GRIK4: variants seen among roughly 807,000 people sequenced by gnomAD.
The protein encoded by GRIK4 is glutamate receptor ionotropic, kainate 4.
Under a neutral mutation model 104.9 loss-of-function variants are expected in GRIK4, and 40 were observed. The observed-to-expected ratio is 0.38, with a 90% CI of 0.30 to 0.50. GRIK4 has a LOEUF of 0.50. Among genes scored for constraint, GRIK4 ranks in the 20% least tolerant of loss-of-function variants. The pLI is 0.93. For missense variants in GRIK4, 1,047 were observed against 1,308.1 expected, an observed-to-expected ratio of 0.80 and a Z score of 3.08; for synonymous variants, 485 against 524.9, an observed-to-expected ratio of 0.92 and a Z score of 1.04.
chr11:120,888,108 A>G (rs1955172665), intron 11 of GRIK4, among the ~76,000 whole-genome samples: 1 of 152,192 alleles, frequency 6.6e-6, no homozygotes, highest in Non-Finnish European at 1.5e-5. Context: ...AATCAAAGAC[A>G]AGGGATAGCA....
chr11:120,878,144 G>A (rs1005383493), intron 11 of GRIK4, among the ~76,000 whole-genome samples: 2 of 152,210 alleles, frequency 1.3e-5, no homozygotes, highest in Non-Finnish European at 2.9e-5. Context: ...CGTGCCCTGA[G>A]GCATCCTCCA....
chr11:120,953,839 C>T lies in GRIK4; in HGVS notation c.1700+875C>T, dbSNP rs1944068069. Among the ~76,000 whole-genome samples, 1 of 152,196 alleles carries T rather than the reference C, an allele frequency of 6.6e-6. No individual in the cohort carries two copies. Among genetic ancestry groups the T allele is most frequent in the African/African-American group, 2.4e-5 (1 of 41,448 alleles). On this transcript the variant is annotated intron_variant, in intron 15 of 20. Coordinates refer to ENST00000527524, the MANE Select transcript of GRIK4 (RefSeq NM_014619.5). The surrounding 1 kb of genome is among the most constrained non-coding windows in gnomAD (Gnocchi z 4.9). ...GGCTCCCAGGCCACTCACTCAGGTC[C>T]CTAGTGCTGCTAACCCTCCACTTAC...
At chr11:120,948,149 CAGA>C (rs1565456403) in intron 14 of GRIK4, among the ~76,000 whole-genome samples, 1 of 152,170 alleles carries the variant, frequency 6.6e-6, no homozygotes, top group Admixed American at 6.5e-5. Flanking sequence ...CTGCCTCTCC[CAGA>C]AGGAGTCTTG....
chr11:120,584,543 C>T (rs1855574777), intron 1 of GRIK4, among the ~76,000 whole-genome samples: 1 of 152,134 alleles, frequency 6.6e-6, no homozygotes, highest in Admixed American at 6.5e-5. Context: ...AGTTGCCATA[C>T]ACTTTTAAAT....
At chr11:120,680,724 G>A (rs1950179237) in intron 3 of GRIK4, among the ~76,000 whole-genome samples, 1 of 152,210 alleles carries the variant, frequency 6.6e-6, no homozygotes. Flanking sequence ...GCTAAGTTAT[G>A]CAACCTGAAA....
At position 120,698,883 on chromosome 11, in the gene GRIK4, G is replaced by A. The variant is rs1209684221; in HGVS notation, c.82+38483G>A. The stretch of plus-strand genomic sequence containing the variant: ...ATTTTTCTCTATTTTTGGTGCATTA[G>A]ATTAATCAGGAGAAGTGGGCTTTTG... On this transcript the variant is annotated intron_variant, in intron 3 of 20. Transcript: ENST00000527524. 3.3e-5 allele frequency among the ~76,000 whole-genome samples: 5 copies of A among 152,234 alleles called. No homozygotes were observed. In the East Asian group the frequency reaches 7.7e-4, roughly 23 times the overall value.
intron 1 of GRIK4, among the ~76,000 whole-genome samples, chr11:120,613,347 C>T (rs1565573843): frequency 6.6e-6 from 1 of 152,208 alleles, no homozygotes; most frequent in East Asian, 1.9e-4. Flanking sequence ...CAATTCTTGT[C>T]CTGTGCTTTC....
At chr11:120,982,033 A>T in intron 19 of GRIK4, 73 bp from the exon 20 acceptor site, 1 of 1,009,250 alleles carries the variant, frequency 9.9e-7, no homozygotes, top group Non-Finnish European at 1.6e-6. Flanking sequence ...GAATGATTTT[A>T]GTATTTTTGA....
chr11:120,974,061 C>G (rs186715127), intron 19 of GRIK4, among the ~76,000 whole-genome samples: 55 of 152,260 alleles, frequency 3.6e-4, no homozygotes, highest in Middle Eastern at 3.4e-3. Context: ...GCGCATGCCA[C>G]CACACCCAGC....
At chr11:120,815,704 T>G (rs1952938542) in intron 5 of GRIK4, among the ~76,000 whole-genome samples, 1 of 151,896 alleles carries the variant, frequency 6.6e-6, no homozygotes, top group Admixed American at 6.5e-5. Context: ...GAAGCGGAGC[T>G]CCTCCCTGTC....
chr11:120,761,133 C>T (rs190349372), intron 3 of GRIK4, among the ~76,000 whole-genome samples: 213 of 152,186 alleles, frequency 1.4e-3, no homozygotes, highest in African/African-American at 4.9e-3. Flanking sequence ...TTTTAATGAT[C>T]GTCATTCTAA....
chr11:120,834,263 GGTGTGTGTGTGTGTGTGTGTGT>G (rs141196181), intron 7 of GRIK4, among the ~76,000 whole-genome samples: 12 of 146,090 alleles, frequency 8.2e-5, no homozygotes, highest in South Asian at 4.5e-4. Flanking sequence ...ACACTTTATA[GGTGTGTGTGTGTGTGTGTGTGT>G]GTGTGTGTGT....
intron 8 of GRIK4, among the ~76,000 whole-genome samples, chr11:120,838,277 G>A (rs1230676649): frequency 6.6e-6 from 1 of 152,116 alleles, no homozygotes; most frequent in South Asian, 2.1e-4. Flanking sequence ...CTGAACCACA[G>A]TTTTCTCATT....
chr11:120,922,519 T>C (rs1943246655), intron 13 of GRIK4, among the ~76,000 whole-genome samples: 1 of 152,254 alleles, frequency 6.6e-6, no homozygotes, highest in South Asian at 2.1e-4. Flanking sequence ...ATCTTCCCTC[T>C]GCCCTCTGGC....
At chr11:120,743,233 GAAA>G (rs1160708566) in intron 3 of GRIK4, among the ~76,000 whole-genome samples, 3 of 105,976 alleles carry the variant, frequency 2.8e-5, no homozygotes, top group Non-Finnish European at 4.0e-5. Context: ...CTGTCTCAGA[GAAA>G]AAAAAAAAAA....
At position 120,905,269 on chromosome 11, in the gene GRIK4, A is replaced by C; in HGVS notation, c.1273-21A>C. On this transcript the variant is annotated intron_variant, in intron 12 of 20. Transcript: ENST00000527524. This position sits in a 1 kb window ranked among gnomAD's most constrained non-coding sequence, Gnocchi z 5.1. The stretch of plus-strand genomic sequence containing the variant: ...ACACCAGGGCTAAGATGAGAATGAC[A>C]GCTGCCCAGTTTTGCTGCAGGAGAA... The C allele has an allele frequency of 1.3e-6, 2 of 1,563,914 alleles. No individual in the cohort carries two copies. The highest frequency in any genetic ancestry group is 1.8e-6 in the Non-Finnish European group (2 of 1,134,730).
intron 1 of GRIK4, among the ~76,000 whole-genome samples, chr11:120,531,541 C>G (rs1335690610): frequency 6.6e-6 from 1 of 152,066 alleles, no homozygotes; most frequent in Non-Finnish European, 1.5e-5. Context: ...TGCCCAAGGT[C>G]ATGGTTACAG....
chr11:120,637,830 T>C (rs1949418028), intron 1 of GRIK4, among the ~76,000 whole-genome samples: 1 of 152,042 alleles, frequency 6.6e-6, no homozygotes, highest in Admixed American at 6.6e-5. Flanking sequence ...CCCTGACTTA[T>C]CTTGTTCCTA....
intron 3 of GRIK4, among the ~76,000 whole-genome samples, chr11:120,760,938 A>T (rs1456274727): frequency 6.6e-6 from 1 of 152,046 alleles, no homozygotes; most frequent in Non-Finnish European, 1.5e-5. Flanking sequence ...GAGTAGAATG[A>T]TTTACAGTCT....
Sources: allele counts gnomAD v4.1 joint callset (sites outside exome capture counted in the v4.1 genomes callset), GRCh38; gene constraint gnomAD v4.1.1; non-coding constraint Gnocchi (gnomAD v3.1); transcripts MANE v1.5; gene names NCBI Gene and HGNC (gene_info 2026-07-23, HGNC 2026-07-21).